The following FSD1L variants were observed in gnomAD, a reference collection of about 807,000 sequenced individuals.
FSD1L encodes the protein FSD1-like protein.
FSD1L carries 45 observed loss-of-function variants against 71.6 expected under a neutral mutation model. The observed-to-expected ratio is 0.63, with a 90% CI of 0.49 to 0.81. FSD1L has a LOEUF of 0.81. Ranked by LOEUF, FSD1L falls within the 30% of genes least tolerant of loss-of-function variation. The pLI is 0.00. For synonymous variants in FSD1L, 197 were observed against 207.2 expected, an observed-to-expected ratio of 0.95 and a Z score of 0.42; for missense variants, 561 against 618.1, an observed-to-expected ratio of 0.91 and a Z score of 0.98.
chr9:105,474,392 A>G (rs775448179), intron 5 of FSD1L, among the ~76,000 whole-genome samples: 7 of 152,234 alleles, frequency 4.6e-5, no homozygotes, highest in Non-Finnish European at 1.0e-4. Context: ...CTAGCCAGAA[A>G]TCTGGGTTTA....
intron 1 of FSD1L, among the ~76,000 whole-genome samples, chr9:105,453,707 G>A (rs946537052): frequency 6.6e-6 from 1 of 152,114 alleles, no homozygotes. Context: ...AAATTAGAAA[G>A]ATAGTGAAGC....
chr9:105,492,372 A>G (rs929409186), intron 7 of FSD1L, among the ~76,000 whole-genome samples: 1 of 151,894 alleles, frequency 6.6e-6, no homozygotes, highest in East Asian at 1.9e-4. Context: ...TATTGTGTCT[A>G]TTTGATTCTT....
At chr9:105,515,788 G>GT (rs751684787) in intron 10 of FSD1L, among the ~76,000 whole-genome samples, 22,977 of 144,242 alleles carry the variant, frequency 0.16, 2,237 homozygotes, top group East Asian at 0.49. Flanking sequence ...GCTGCAGAAG[G>GT]TTTTTTTTTT....
intron 10 of FSD1L, chr9:105,525,616 G>A (rs1240171232): frequency 1.2e-6 from 2 of 1,612,568 alleles, no homozygotes; most frequent in African/African-American, 2.7e-5. Flanking sequence ...GAAGAAAAAT[G>A]AAAAGCTACT....
Position 105,529,588 on chromosome 9 carries a change from CAG to C in FSD1L, c.1026-4900_1026-4899del, listed in dbSNP as rs201292765. Among the ~76,000 whole-genome samples the C allele has an allele frequency of 8.3e-3, 1,267 of 151,942 alleles. 20 individuals are homozygous for C. Among genetic ancestry groups the C allele is most frequent in the African/African-American group, 0.029 (1,210 of 41,414 alleles). On this transcript the variant is annotated intron_variant, in intron 10 of 13. Transcript: ENST00000481272. ...GTTGAACAATGAGAACGCGTGGACA[CAG>C]AGAGGGGAACATCACACATGGGGCC...
At chr9:105,517,035 G>GTATC in intron 10 of FSD1L, among the ~76,000 whole-genome samples, 1 of 152,250 alleles carries the variant, frequency 6.6e-6, no homozygotes, top group East Asian at 1.9e-4. Flanking sequence ...GCAAACAAAA[G>GTATC]TATCAATAGC....
At chr9:105,491,086 T>C (rs1176475601) in intron 7 of FSD1L, among the ~76,000 whole-genome samples, 2 of 152,210 alleles carry the variant, frequency 1.3e-5, no homozygotes, top group Non-Finnish European at 2.9e-5. Flanking sequence ...AACCTGTAAA[T>C]TACCTTGGGC....
intron 10 of FSD1L, among the ~76,000 whole-genome samples, chr9:105,518,706 G>A (rs185730137): frequency 1.1e-3 from 171 of 152,306 alleles, no homozygotes; most frequent in Admixed American, 2.1e-3. Flanking sequence ...ACAAGAGAAA[G>A]CAGGAAAGAT....
chr9:105,479,254 C>A, intron 5 of FSD1L, 100 bp from the exon 6 acceptor site: 1 of 992,236 alleles, frequency 1.0e-6, no homozygotes, highest in Non-Finnish European at 1.5e-6. Flanking sequence ...TAATCTGTTG[C>A]AGGGTTTATA....
rs2131494128 is a variant in FSD1L, at chr9:105,535,133, A to G, written c.1193A>G (p.Tyr398Cys). 6.4e-7 allele frequency: 1 copy of G among 1,551,584 alleles called. No individual in the cohort carries two copies. The highest frequency in any genetic ancestry group is 8.7e-7 in the Non-Finnish European group (1 of 1,146,686). ...AAGGCCCAGAAGGATTGTAAATCCT[A>G]CAGTGTGGGAGTAGCATACAAAACG... ...EVKAQKDCKS[Y>C]SVGVAYKTLG... Residue 398 changes from tyrosine (Y) to cysteine (C), a missense_variant, in exon 12 of 14, where the codon TAC (tyrosine) becomes TGC (cysteine). This residue lies in a region of FSD1L where 53 missense variants were observed against 102.2 expected (regional missense o/e 0.52). Coordinates refer to ENST00000481272, the MANE Select transcript of FSD1L (RefSeq NM_001145313.3).
At chr9:105,545,538 C>T (rs948619798) in intron 13 of FSD1L, among the ~76,000 whole-genome samples, 9 of 151,052 alleles carry the variant, frequency 6.0e-5, no homozygotes, top group Admixed American at 5.3e-4. Context: ...TTTGCCCATT[C>T]AGTATGATAT....
At chr9:105,511,684 A>G (rs1317394254) in intron 9 of FSD1L, among the ~76,000 whole-genome samples, 1 of 152,168 alleles carries the variant, frequency 6.6e-6, no homozygotes. Flanking sequence ...TAAATAAAAA[A>G]CAATGAACAA....
At chr9:105,451,514 C>T (rs1830002642) in intron 1 of FSD1L, among the ~76,000 whole-genome samples, 1 of 152,208 alleles carries the variant, frequency 6.6e-6, no homozygotes, top group Non-Finnish European at 1.5e-5. Context: ...TTAATGTTAG[C>T]AGCAGATGCT....
chr9:105,524,909 T>C (rs1835412986), intron 10 of FSD1L: 1 of 1,610,618 alleles, frequency 6.2e-7, no homozygotes, highest in African/African-American at 1.3e-5. Context: ...CTGAACTCTT[T>C]GAGAGTCCAA....
rs781700383 is a variant in FSD1L at position 105,546,505 on chromosome 9, C to A, written c.*22C>A. 2.5e-5 allele frequency: 38 copies of A among 1,511,720 alleles called. No homozygotes were observed. Among genetic ancestry groups the A allele is most frequent in the Non-Finnish European group, 3.4e-5 (38 of 1,130,796 alleles). The allele number at this position is 1,511,720 out of a possible 1,614,324, so 93.6% of individuals were successfully genotyped here. On this transcript the variant is annotated 3_prime_UTR_variant, in exon 14 of 14. Transcript: ENST00000481272. ...ATAGTGTCTACTCAGAATACGTTTA[C>A]CCTCCGTCTTGATTAGGTGGCCTTT...
intron 10 of FSD1L, among the ~76,000 whole-genome samples, chr9:105,526,660 G>C (rs1481844433): frequency 6.6e-6 from 1 of 152,038 alleles, no homozygotes; most frequent in Non-Finnish European, 1.5e-5. Flanking sequence ...GAAAACACTG[G>C]ATTTAAATAA....
At chr9:105,485,929 A>C (rs561250020) in intron 7 of FSD1L, among the ~76,000 whole-genome samples, 3 of 151,946 alleles carry the variant, frequency 2.0e-5, no homozygotes, top group Non-Finnish European at 2.9e-5. Context: ...AGGCGTGAGC[A>C]CAAGTACTTT....
At chr9:105,508,966 C>T (rs1275120919) in intron 9 of FSD1L, among the ~76,000 whole-genome samples, 3 of 152,120 alleles carry the variant, frequency 2.0e-5, no homozygotes, top group African/African-American at 4.8e-5. Context: ...CTGGGAGATG[C>T]TTAATTTATA....
intron 6 of FSD1L, 115 bp downstream of exon 6, chr9:105,479,491 A>T: frequency 1.2e-6 from 1 of 835,078 alleles, no homozygotes; most frequent in Non-Finnish European, 1.9e-6. Flanking sequence ...CCAATGACCA[A>T]GTACAAAATA....
Sources: gnomAD v4.1 joint callset for allele counts (sites outside exome capture counted in the v4.1 genomes callset) on GRCh38, gnomAD v4.1.1 for gene constraint, gnomAD v4.1.1 regional missense constraint, MANE v1.5 for transcripts, NCBI Gene and HGNC (gene_info 2026-07-23, HGNC 2026-07-21) for gene names.